Variants in PRTN3 observed in about 807,000 individuals in gnomAD.
PRTN3 encodes the protein myeloblastin.
A neutral mutation model predicts 20.7 loss-of-function variants in PRTN3; 22 were observed. That is an observed-to-expected ratio of 1.06 (90% CI 0.76 to 1.52). PRTN3 has a LOEUF of 1.52. PRTN3 is among the 40% of genes most tolerant of loss of function. The pLI, the probability that PRTN3 is intolerant of heterozygous loss-of-function variation, is 0.00. For missense variants in PRTN3, 378 were observed against 359.6 expected, an observed-to-expected ratio of 1.05 and a Z score of -0.41; for synonymous variants, 173 against 152.9, an observed-to-expected ratio of 1.13 and a Z score of -0.97.
At chr19:845,650 G>T (rs967355221) in intron 3 of PRTN3, among the ~76,000 whole-genome samples, 1 of 151,564 alleles carries the variant, frequency 6.6e-6, no homozygotes, top group Non-Finnish European at 1.5e-5. Flanking sequence ...GGAGGCAGAG[G>T]TTGCAGTGAG....
chr19:846,351 C>A lies in PRTN3; in HGVS notation c.574C>A (p.Pro192Thr). ...CRPHNICTFV[P>T]RRKAGICFGD... ...GCCACATAACATTTGCACTTTCGTC[C>A]CTCGCCGCAAGGCCGGCATCTGCTT... The change falls in exon 4 of 5, where the codon CCT (proline) becomes ACT (threonine). Residue 192 changes from proline to threonine, a missense_variant. Coordinates refer to ENST00000234347, the MANE Select transcript of PRTN3 (RefSeq NM_002777.4). The A allele has an allele frequency of 6.4e-7, 1 of 1,566,944 alleles. No homozygotes were observed. Among genetic ancestry groups the A allele is most frequent in the Non-Finnish European group, 8.6e-7 (1 of 1,156,966 alleles).
chr19:845,697 A>G (rs1219276344), intron 3 of PRTN3, among the ~76,000 whole-genome samples: 1 of 148,512 alleles, frequency 6.7e-6, no homozygotes, highest in African/African-American at 2.5e-5. Flanking sequence ...CTGGGCAACA[A>G]GAGCGAAACT....
At chr19:845,347 T>G (rs574863973) in intron 3 of PRTN3, among the ~76,000 whole-genome samples, 1 of 152,082 alleles carries the variant, frequency 6.6e-6, no homozygotes, top group East Asian at 1.9e-4. Context: ...AGGTTGAGGC[T>G]GCAGTGAGCT....
At chr19:843,388 C>T in intron 1 of PRTN3, 73 bp from the exon 2 acceptor site, 1 of 1,441,056 alleles carries the variant, frequency 6.9e-7, no homozygotes, top group Non-Finnish European at 9.2e-7. Context: ...CGGAGAGGCC[C>T]AGGGGCTGCT....
Position 841,085 on chromosome 19 carries a change from GC to G in PRTN3, c.61+19del. On this transcript the variant is annotated intron_variant, in intron 1 of 4. Coordinates refer to ENST00000234347, the MANE Select transcript of PRTN3 (RefSeq NM_002777.4). The stretch of plus-strand genomic sequence containing the variant: ...CTGCTGAGCGGTGAGTGAGCCACGT[GC>G]CCATCCATCCAGCCTCCAGGCCCCG... 6.2e-7 allele frequency: 1 copy of G among 1,603,078 alleles called. No homozygotes were observed.
Position 848,170 on chromosome 19 carries a change from A to G in PRTN3, c.*201A>G, listed in dbSNP as rs1465335125. ...CCACCGTGACCTCAATAAACGTTGA[A>G]ACTCCCCCTGGCTCCTGTCTGTCCT... On this transcript the variant is annotated 3_prime_UTR_variant, in exon 5 of 5. Transcript: ENST00000234347. The G allele has an allele frequency of 1.6e-6, 1 of 631,196 alleles. No individual in the cohort carries two copies. The highest frequency in any genetic ancestry group is 2.8e-5 in the East Asian group (1 of 35,588). The allele number at this position is 631,196 out of a possible 1,614,324, so 39.1% of individuals were successfully genotyped here.
intron 4 of PRTN3, among the ~76,000 whole-genome samples, chr19:847,435 G>A (rs1400355760): frequency 4.7e-5 from 7 of 148,990 alleles, no homozygotes; most frequent in African/African-American, 7.4e-5. Flanking sequence ...AGACTCTGTC[G>A]CAAACAAAAC....
chr19:846,047 G>A (rs992076962), intron 3 of PRTN3, 100 bp from the exon 4 acceptor site: 35 of 831,040 alleles, frequency 4.2e-5, no homozygotes, highest in Non-Finnish European at 5.2e-5. Flanking sequence ...CATCCGCGGC[G>A]TTTTGAGGTG....
chr19:844,559 C>T (rs936098981), intron 3 of PRTN3, among the ~76,000 whole-genome samples: 2 of 143,176 alleles, frequency 1.4e-5, no homozygotes, highest in Non-Finnish European at 3.0e-5. Context: ...TGTGCTGTTC[C>T]CCCAGAAAGC....
At chr19:842,758 T>C (rs1299112668) in intron 1 of PRTN3, among the ~76,000 whole-genome samples, 1 of 151,708 alleles carries the variant, frequency 6.6e-6, no homozygotes, top group East Asian at 1.9e-4. Context: ...CAGCTAATGT[T>C]TGTATTTTTA....
chr19:843,717 C>A, intron 2 of PRTN3, 91 bp downstream of exon 2: 1 of 1,477,020 alleles, frequency 6.8e-7, no homozygotes, highest in Non-Finnish European at 9.0e-7. Flanking sequence ...GGGGAGGACC[C>A]AGCTAAGCCC....
intron 1 of PRTN3, 78 bp from the exon 2 acceptor site, chr19:843,383 A>G: frequency 7.2e-7 from 1 of 1,393,930 alleles, no homozygotes; most frequent in Non-Finnish European, 9.4e-7. Context: ...AGGCTCGGAG[A>G]GGCCCAGGGG....
chr19:844,944 A>T (rs1175275533), intron 3 of PRTN3, among the ~76,000 whole-genome samples: 1 of 107,294 alleles, frequency 9.3e-6, no homozygotes, highest in Non-Finnish European at 1.9e-5. Flanking sequence ...TCTATAAAAG[A>T]CATTTTTTTT....
intron 3 of PRTN3, among the ~76,000 whole-genome samples, chr19:845,658 G>C (rs2035506356): frequency 6.6e-6 from 1 of 151,176 alleles, no homozygotes; most frequent in Non-Finnish European, 1.5e-5. Context: ...AGGTTGCAGT[G>C]AGCCGAGATT....
Position 846,309 on chromosome 19 carries a change from G to C in PRTN3, c.532G>C (p.Val178Leu). Residue 178 changes from valine (V) to leucine (L), a missense_variant, in exon 4 of 5, where the codon GTC (valine) becomes CTC (leucine). Transcript: ENST00000234347. ...QVLQELNVTV[V>L]TFFCRPHNIC... ...CCTGCAGGAGCTCAATGTCACCGTGGTCACCTTCTTCTGCCGGCCACATAA... is the reference window on the plus strand; with the variant it reads ...CCTGCAGGAGCTCAATGTCACCGTGCTCACCTTCTTCTGCCGGCCACATAA... 6.3e-7 allele frequency: 1 copy of C among 1,593,468 alleles called. No homozygotes were observed. The highest frequency in any genetic ancestry group is 8.5e-7 in the Non-Finnish European group (1 of 1,170,652).
At chr19:843,391 G>A (rs987393629) in intron 1 of PRTN3, 70 bp from the exon 2 acceptor site, 28 of 1,446,472 alleles carry the variant, frequency 1.9e-5, no homozygotes, top group Non-Finnish European at 2.4e-5. Context: ...AGAGGCCCAG[G>A]GGCTGCTCTG....
At position 847,823 on chromosome 19, in the gene PRTN3, T is replaced by C; in HGVS notation, c.625T>C (p.Cys209Arg). The change falls in exon 5 of 5, where the codon TGT becomes CGT. Residue 209 changes from cysteine (C) to arginine (R), a missense_variant. Transcript: ENST00000234347. Reference protein sequence around the residue: ...CFGDSGGPLICDGIIQGIDSF... With the variant: ...CFGDSGGPLIRDGIIQGIDSF... ...GGGAGACTCAGGTGGCCCCCTGATC[T>C]GTGATGGCATCATCCAAGGAATAGA... is the stretch of plus-strand genomic sequence containing the variant. 1 of 1,609,236 alleles carries C rather than the reference T, an allele frequency of 6.2e-7. No homozygotes were observed. Among genetic ancestry groups the C allele is most frequent in the Non-Finnish European group, 8.5e-7 (1 of 1,177,630 alleles).
In PRTN3 at chr19:841,050, G is replaced by C. The variant is rs1453939710; in HGVS notation, c.42G>C (p.Leu14=). The C allele has an allele frequency of 6.2e-7, 1 of 1,607,018 alleles. No individual in the cohort carries two copies. Among genetic ancestry groups the C allele is most frequent in the South Asian group, 1.1e-5 (1 of 90,916 alleles). ...RPPSPALASV[L]LALLLSGAAR... is the part of the protein sequence containing the mutation. ...CCAGCCCTGCCCTGGCGTCCGTGCTGCTGGCCTTGCTGCTGAGCGGTGAGT... is the reference window on the plus strand; with the variant it reads ...CCAGCCCTGCCCTGGCGTCCGTGCTCCTGGCCTTGCTGCTGAGCGGTGAGT... Residue 14 remains leucine, a synonymous_variant, in exon 1 of 5, where the codon CTG becomes CTC. Coordinates refer to ENST00000234347, the MANE Select transcript of PRTN3 (RefSeq NM_002777.4).
Position 848,071 on chromosome 19 carries a change from C to T in PRTN3, c.*102C>T, listed in dbSNP as rs761451902. 4.9e-4 allele frequency: 681 copies of T among 1,401,890 alleles called. No homozygotes were observed. The highest frequency in any genetic ancestry group is 5.9e-4 in the Non-Finnish European group (619 of 1,049,622). The allele number at this position is 1,401,890 out of a possible 1,614,324, so 86.8% of individuals were successfully genotyped here. Reference sequence around the variant, plus strand: ...GCTCTTCCCCGAACACTGTGGCGTCCGGGACGGCCCCACCCGTCCCCCCAC... The same window carrying T: ...GCTCTTCCCCGAACACTGTGGCGTCTGGGACGGCCCCACCCGTCCCCCCAC... On this transcript the variant is annotated 3_prime_UTR_variant, in exon 5 of 5. Transcript: ENST00000234347.
Sources: allele counts gnomAD v4.1 joint callset (sites outside exome capture counted in the v4.1 genomes callset), GRCh38; gene constraint gnomAD v4.1.1; transcripts MANE v1.5; gene names NCBI Gene and HGNC (gene_info 2026-07-23, HGNC 2026-07-21).